PTPRD: variants seen among roughly 807,000 people sequenced by gnomAD.
PTPRD encodes protein tyrosine phosphatase receptor type D.
In PTPRD, 34 loss-of-function variants were observed where a neutral mutation model predicts 214.5. The observed-to-expected ratio is 0.16, with a 90% CI of 0.12 to 0.21. PTPRD has a LOEUF of 0.21. PTPRD is among the 10% of genes least tolerant of loss of function. The pLI is 1.00. For missense variants in PTPRD, 2,545 were observed against 2,398.7 expected, an observed-to-expected ratio of 1.06 and a Z score of -1.27; for synonymous variants, 1,128 against 845.7, an observed-to-expected ratio of 1.33 and a Z score of -5.79.
At chr9:8,963,821 C>T (rs2099171341) in intron 11 of PTPRD, among the ~76,000 whole-genome samples, 1 of 151,952 alleles carries the variant, frequency 6.6e-6, no homozygotes, top group Admixed American at 6.6e-5. Context: ...CCTATGTTGC[C>T]CAAGCTGGTC....
intron 7 of PTPRD, among the ~76,000 whole-genome samples, chr9:9,628,427 T>C (rs2095488553): frequency 6.6e-6 from 1 of 152,164 alleles, no homozygotes; most frequent in Non-Finnish European, 1.5e-5. Context: ...CCCATACATC[T>C]TTCAGAATCC....
At chr9:9,139,503 A>T (rs1053952494) in intron 10 of PTPRD, among the ~76,000 whole-genome samples, 6 of 152,196 alleles carry the variant, frequency 3.9e-5, no homozygotes, top group Admixed American at 1.3e-4. Flanking sequence ...AGAACAATTA[A>T]GTAAAAGAAG....
chr9:9,383,668 A>G (rs1346397520), intron 9 of PTPRD, among the ~76,000 whole-genome samples: 1 of 152,158 alleles, frequency 6.6e-6, no homozygotes, highest in Non-Finnish European at 1.5e-5. Flanking sequence ...AAGTTATCAT[A>G]AGCTTTTATG....
At chr9:9,343,198 C>T (rs1329517813) in intron 9 of PTPRD, among the ~76,000 whole-genome samples, 1 of 152,152 alleles carries the variant, frequency 6.6e-6, no homozygotes, top group Non-Finnish European at 1.5e-5. Context: ...CATACTTGTG[C>T]TTGTGTCTTT....
intron 11 of PTPRD, among the ~76,000 whole-genome samples, chr9:8,889,419 C>A (rs10511512): frequency 0.091 from 13,821 of 152,210 alleles, 813 homozygotes; most frequent in East Asian, 0.2. Context: ...GCAAATCATA[C>A]ACTGAGATCA....
rs1591544691 is a variant in PTPRD at position 10,588,802 on chromosome 9, C to G, written c.-600+23596G>C. Among the ~76,000 whole-genome samples, 4 of 152,054 alleles carry G rather than the reference C, an allele frequency of 2.6e-5. No homozygotes were observed. The South Asian group carries it at 8.3e-4, about 31-fold the overall frequency. The stretch of plus-strand genomic sequence containing the variant: ...TATTAGCAAAAGTCTCTCTGGCCCC[C>G]TATTTCAAATTGTATACCCTACTTC... On this transcript the variant is annotated intron_variant, in intron 2 of 45. Transcript: ENST00000381196.
intron 14 of PTPRD, among the ~76,000 whole-genome samples, chr9:8,557,898 A>G (rs1218315276): frequency 6.6e-6 from 1 of 152,034 alleles, no homozygotes; most frequent in Non-Finnish European, 1.5e-5. Context: ...AAATAAACAT[A>G]GAAGTAAAGA....
intron 9 of PTPRD, among the ~76,000 whole-genome samples, chr9:9,248,848 A>T (rs1434024090): frequency 1.3e-5 from 2 of 152,084 alleles, no homozygotes; most frequent in African/African-American, 2.4e-5. Flanking sequence ...CAAGTAAAGT[A>T]GCTCAGAAAG....
chr9:9,145,017 G>C (rs1338942181), intron 10 of PTPRD, among the ~76,000 whole-genome samples: 1 of 152,224 alleles, frequency 6.6e-6, no homozygotes, highest in East Asian at 1.9e-4. Context: ...AAAGTAAAGG[G>C]GATAGTTGTG....
intron 7 of PTPRD, among the ~76,000 whole-genome samples, chr9:9,614,899 T>G (rs2094760601): frequency 6.6e-6 from 1 of 152,154 alleles, no homozygotes; most frequent in African/African-American, 2.4e-5. Flanking sequence ...CAGCTCCCAA[T>G]GCACCCTTCA....
At chr9:10,315,036 T>C (rs998739809) in intron 3 of PTPRD, among the ~76,000 whole-genome samples, 8 of 151,884 alleles carry the variant, frequency 5.3e-5, no homozygotes, top group African/African-American at 1.9e-4. Flanking sequence ...ATAGAAAAGA[T>C]TTACAAACAT....
intron 2 of PTPRD, among the ~76,000 whole-genome samples, chr9:10,436,942 A>T (rs562368592): frequency 2.6e-5 from 4 of 151,776 alleles, no homozygotes; most frequent in African/African-American, 9.7e-5. Flanking sequence ...GTCCACTTAC[A>T]TGTGCCAACT....
At chr9:9,389,838 G>A (rs2065178193) in intron 9 of PTPRD, among the ~76,000 whole-genome samples, 1 of 152,160 alleles carries the variant, frequency 6.6e-6, no homozygotes, top group Non-Finnish European at 1.5e-5. Context: ...TGGGGATACA[G>A]GAGGGGATAT....
chr9:9,429,605 G>T (rs932529881), intron 8 of PTPRD, among the ~76,000 whole-genome samples: 1 of 152,070 alleles, frequency 6.6e-6, no homozygotes, highest in Non-Finnish European at 1.5e-5. Context: ...CAAAAAAAGA[G>T]AATTTTAGAC....
chr9:9,153,454 A>G (rs1320144223), intron 10 of PTPRD, among the ~76,000 whole-genome samples: 2 of 152,174 alleles, frequency 1.3e-5, no homozygotes, highest in Non-Finnish European at 2.9e-5. Context: ...CTCAAATGTG[A>G]CATGGCTTGG....
intron 2 of PTPRD, among the ~76,000 whole-genome samples, chr9:10,416,992 T>C (rs1470815936): frequency 6.6e-6 from 1 of 151,958 alleles, no homozygotes. Flanking sequence ...AAACAACTTT[T>C]ATCTTCCAGA....
intron 10 of PTPRD, among the ~76,000 whole-genome samples, chr9:9,045,155 T>A (rs2099668247): frequency 6.6e-6 from 1 of 152,140 alleles, no homozygotes; most frequent in Non-Finnish European, 1.5e-5. Flanking sequence ...ACCTAGGGGA[T>A]TTTAGAGCAC....
rs551499355 is a variant in PTPRD, at chr9:9,124,595, A to G, written c.-143+58709T>C. Among the ~76,000 whole-genome samples the G allele has an allele frequency of 1.1e-3, 169 of 152,250 alleles. 1 individual carries two copies. The highest frequency in any genetic ancestry group is 2.1e-3 in the Non-Finnish European group (140 of 68,010). ...GCCTTTAAAAAAATACAAAGAACTA[A>G]CAAAACCGAACTGTTCAGCTCATAC... On this transcript the variant is annotated intron_variant, in intron 10 of 45. Transcript: ENST00000381196.
intron 12 of PTPRD, among the ~76,000 whole-genome samples, chr9:8,638,028 T>A (rs981318595): frequency 5.3e-5 from 8 of 152,070 alleles, no homozygotes; most frequent in South Asian, 2.1e-4. Flanking sequence ...TTCCATCTTT[T>A]ACACTTCCTT....
Sources: allele counts gnomAD v4.1 joint callset (sites outside exome capture counted in the v4.1 genomes callset), GRCh38; gene constraint gnomAD v4.1.1; transcripts MANE v1.5; gene names NCBI Gene and HGNC (gene_info 2026-07-23, HGNC 2026-07-21).